SYT1: variants seen among roughly 807,000 people sequenced by gnomAD.
SYT1 encodes synaptotagmin 1.
Under a neutral mutation model 44.8 loss-of-function variants are expected in SYT1, and 8 were observed. That is an observed-to-expected ratio of 0.18 (90% CI 0.10 to 0.32). The LOEUF is 0.32. Ranked by LOEUF, SYT1 falls within the 10% of genes least tolerant of loss-of-function variation. The pLI is 1.00. For missense variants in SYT1, 286 were observed against 509.3 expected (o/e 0.56, Z 4.22); for synonymous variants, 154 against 188.8 (o/e 0.82, Z 1.51).
intron 2 of SYT1, among the ~76,000 whole-genome samples, chr12:78,989,510 A>G (rs1869877775): frequency 6.6e-6 from 1 of 152,058 alleles, no homozygotes; most frequent in Non-Finnish European, 1.5e-5. Flanking sequence ...GCAGCATCTC[A>G]AGCATCATAT....
At chr12:79,427,452 G>A (rs1222172596) in intron 9 of SYT1, among the ~76,000 whole-genome samples, 1 of 152,202 alleles carries the variant, frequency 6.6e-6, no homozygotes, top group Non-Finnish European at 1.5e-5. Context: ...AGGACCCACT[G>A]TGTGCCATCA....
chr12:79,325,659 A>G (rs192447990), intron 8 of SYT1, among the ~76,000 whole-genome samples: 1 of 152,336 alleles, frequency 6.6e-6, no homozygotes, highest in East Asian at 1.9e-4. Context: ...ACACTGATTT[A>G]GTATGGCTAC....
At chr12:79,119,665 T>C (rs182476497) in intron 3 of SYT1, among the ~76,000 whole-genome samples, 7 of 149,612 alleles carry the variant, frequency 4.7e-5, no homozygotes, top group Admixed American at 4.6e-4. Context: ...GTTAACTAAA[T>C]GTCTAGAGAG....
chr12:79,324,241 C>T (rs1000859614), intron 8 of SYT1, among the ~76,000 whole-genome samples: 26 of 152,222 alleles, frequency 1.7e-4, no homozygotes, highest in Middle Eastern at 3.4e-3. Flanking sequence ...TGAGCCACCG[C>T]GCCTGGCCTG....
chr12:79,042,944 G>A (rs1396136958), intron 2 of SYT1, among the ~76,000 whole-genome samples: 2 of 150,336 alleles, frequency 1.3e-5, no homozygotes, highest in African/African-American at 2.5e-5. Context: ...TTTTGAATGA[G>A]ATTCTTAATC....
At chr12:79,018,142 C>T (rs1350394486) in intron 2 of SYT1, among the ~76,000 whole-genome samples, 1 of 151,758 alleles carries the variant, frequency 6.6e-6, no homozygotes, top group Admixed American at 6.6e-5. Context: ...GGCACATATA[C>T]ACCATGGAAT....
At chr12:79,216,133 G>T (rs986571772) in intron 3 of SYT1, among the ~76,000 whole-genome samples, 1 of 151,740 alleles carries the variant, frequency 6.6e-6, no homozygotes, top group African/African-American at 2.4e-5. Flanking sequence ...GTTTCTTCAT[G>T]TTGGCCAGGC....
chr12:79,439,622 T>C (rs1870288781), intron 9 of SYT1, among the ~76,000 whole-genome samples: 1 of 152,180 alleles, frequency 6.6e-6, no homozygotes, highest in Non-Finnish European at 1.5e-5. Flanking sequence ...ATAGTAATAA[T>C]TAACAATGAA....
chr12:79,132,920 A>G lies in SYT1; in HGVS notation c.-17-84583A>G, dbSNP rs1181213979. Among the ~76,000 whole-genome samples the G allele has an allele frequency of 4.6e-5, 7 of 152,320 alleles. 1 individual carries two copies. The highest frequency in any genetic ancestry group is 1.4e-4 in the African/African-American group (6 of 41,586). Reference sequence around the variant, plus strand: ...ATGAAATACTATATAGCCATAAAAAATAATAAAATCCTGTCATTTGCAGCA... The same window carrying G: ...ATGAAATACTATATAGCCATAAAAAGTAATAAAATCCTGTCATTTGCAGCA... On this transcript the variant is annotated intron_variant, in intron 3 of 10. Transcript: ENST00000261205.
intron 3 of SYT1, among the ~76,000 whole-genome samples, chr12:79,212,512 G>T (rs552293644): frequency 1.5e-5 from 2 of 130,282 alleles, no homozygotes; most frequent in Admixed American, 1.5e-4. Context: ...AAAAAAAAAA[G>T]AAAATTGCCT....
intron 3 of SYT1, among the ~76,000 whole-genome samples, chr12:79,124,454 C>T (rs1238803654): frequency 2.0e-5 from 3 of 152,000 alleles, no homozygotes; most frequent in Admixed American, 6.6e-5. Flanking sequence ...TTTGGCTTGT[C>T]GTGAGGTAGA....
intron 1 of SYT1, among the ~76,000 whole-genome samples, chr12:78,934,888 C>T (rs982676980): frequency 6.6e-6 from 1 of 152,120 alleles, no homozygotes; most frequent in Non-Finnish European, 1.5e-5. Flanking sequence ...TTTAGGAATT[C>T]AAGCAGATCG....
At chr12:79,094,075 A>C (rs1222031692) in intron 3 of SYT1, among the ~76,000 whole-genome samples, 1 of 151,722 alleles carries the variant, frequency 6.6e-6, no homozygotes, top group Admixed American at 6.6e-5. Flanking sequence ...TGTATGATTA[A>C]CAATTAATGT....
chr12:79,070,052 G>A (rs1043892846), intron 3 of SYT1, among the ~76,000 whole-genome samples: 27 of 151,942 alleles, frequency 1.8e-4, no homozygotes, highest in African/African-American at 6.5e-4. Flanking sequence ...GCTAATTAAG[G>A]TGTCATAGGT....
At chr12:79,020,621 T>C (rs1412353018) in intron 2 of SYT1, among the ~76,000 whole-genome samples, 1 of 151,944 alleles carries the variant, frequency 6.6e-6, no homozygotes, top group Non-Finnish European at 1.5e-5. Context: ...TTCTTAATTC[T>C]GTCTCTCCTG....
At chr12:78,997,235 A>T (rs532110768) in intron 2 of SYT1, among the ~76,000 whole-genome samples, 1 of 152,330 alleles carries the variant, frequency 6.6e-6, no homozygotes, top group South Asian at 2.1e-4. Flanking sequence ...GAACAAAAAC[A>T]TGGCCCGTGG....
intron 2 of SYT1, among the ~76,000 whole-genome samples, chr12:79,009,297 G>T (rs1292447142): frequency 6.6e-6 from 1 of 151,206 alleles, no homozygotes; most frequent in African/African-American, 2.4e-5. Context: ...AGAGCCCTCT[G>T]GTTTTTGTTT....
intron 2 of SYT1, among the ~76,000 whole-genome samples, chr12:79,000,271 A>C (rs1870645678): frequency 6.6e-6 from 1 of 151,066 alleles, no homozygotes; most frequent in East Asian, 1.9e-4. Flanking sequence ...GACTTTTTAG[A>C]ATTGCCTTAA....
intron 2 of SYT1, among the ~76,000 whole-genome samples, chr12:79,002,994 A>G (rs1367566212): frequency 6.6e-6 from 1 of 152,000 alleles, no homozygotes; most frequent in African/African-American, 2.4e-5. Context: ...TTGACCCACC[A>G]CTGGAGTAGA....
Sources: gnomAD v4.1 joint callset for allele counts (sites outside exome capture counted in the v4.1 genomes callset) on GRCh38, gnomAD v4.1.1 for gene constraint, MANE v1.5 for transcripts, NCBI Gene and HGNC (gene_info 2026-07-23, HGNC 2026-07-21) for gene names.